GRK1: variants seen among roughly 807,000 people sequenced by gnomAD.
GRK1 encodes rhodopsin kinase GRK1.
A neutral mutation model predicts 41.7 loss-of-function variants in GRK1; 28 were observed. The ratio of observed to expected loss-of-function variants is 0.67; its 90% CI spans 0.50 to 0.92. The LOEUF (loss-of-function observed/expected upper bound fraction) is 0.92. GRK1 is among the 40% of genes least tolerant of loss of function. The pLI, the probability that GRK1 is intolerant of heterozygous loss-of-function variation, is 0.00. For synonymous variants in GRK1, 327 were observed against 286.7 expected, an observed-to-expected ratio of 1.14 and a Z score of -1.42; for missense variants, 703 against 671.2, an observed-to-expected ratio of 1.05 and a Z score of -0.52.
intron 6 of GRK1, among the ~76,000 whole-genome samples, chr13:113,733,708 T>C (rs1207175066): frequency 5.6e-5 from 8 of 144,098 alleles, no homozygotes; most frequent in African/African-American, 1.3e-4. Flanking sequence ...TGTGTGCGTG[T>C]GTGCGCACGT....
At chr13:113,653,490 A>G in the GRK1 span, 31 of 1,521,706 alleles carry the variant, frequency 2.0e-5, no homozygotes, top group South Asian at 2.8e-4. Flanking sequence ...CATTTAAGCC[A>G]TCAGTTCTGA....
At chr13:113,652,961 G>T in the GRK1 span, 1 of 1,614,244 alleles carries the variant, frequency 6.2e-7, no homozygotes, top group South Asian at 1.1e-5. Context: ...CAGCATATCT[G>T]CCGTGAACTT....
the GRK1 span, chr13:113,651,580 G>A: frequency 7.3e-7 from 1 of 1,360,780 alleles, no homozygotes; most frequent in Non-Finnish European, 9.7e-7. Context: ...TTCCTGGAGA[G>A]AACCAGGTGG....
At chr13:113,670,254 A>G (rs1286621610) in intron 2 of GRK1, among the ~76,000 whole-genome samples, 1 of 152,042 alleles carries the variant, frequency 6.6e-6, no homozygotes, top group African/African-American at 2.4e-5. Flanking sequence ...GTCCCCAGGC[A>G]GAGAGGAGGT....
At chr13:113,658,964 G>A in the GRK1 span, among the ~76,000 whole-genome samples, 4 of 152,186 alleles carry the variant, frequency 2.6e-5, no homozygotes, top group African/African-American at 9.6e-5. Flanking sequence ...AGTGCTGGTG[G>A]GAGGGAGTAA....
At chr13:113,653,131 C>A in the GRK1 span, 2 of 1,558,054 alleles carry the variant, frequency 1.3e-6, no homozygotes, top group Non-Finnish European at 1.7e-6. Flanking sequence ...CTGGCTGCCC[C>A]CCGGGAAGGC....
At position 113,723,501 on chromosome 13, in the gene GRK1, T is replaced by G. The variant is rs2049869611; in HGVS notation, c.1069+344T>G. ...CAATCAGCATATGTAAGATGAACAC[T>G]GGTTCGGTCTGGAAAGGCGGGAGGG... On this transcript the variant is annotated intron_variant, in intron 4 of 6. Coordinates refer to ENST00000335678, the MANE Select transcript of GRK1 (RefSeq NM_002929.3). Among the ~76,000 whole-genome samples, 3 of 152,056 alleles carry G rather than the reference T, an allele frequency of 2.0e-5. 1 individual carries two copies. In the South Asian group the frequency reaches 6.2e-4, roughly 32 times the overall value.
chr13:113,671,233 G>A lies in GRK1; in HGVS notation c.828-266G>A, dbSNP rs1594572468. ...GTCTGGGCTGTTTCCTAGCACCTGC[G>A]GCCCGCGCTGGAAAGCAGGCGGACA... On this transcript the variant is annotated intron_variant, in intron 2 of 6. Transcript: ENST00000335678. The surrounding 1 kb of genome is among the most constrained non-coding windows in gnomAD (Gnocchi z 4.1). 1.3e-5 allele frequency among the ~76,000 whole-genome samples: 2 copies of A among 152,150 alleles called. No individual in the cohort carries two copies. Among genetic ancestry groups the A allele is most frequent in the South Asian group, 2.1e-4 (1 of 4,824 alleles).
intron 1 of GRK1, 39 bp from the exon 2 acceptor site, chr13:113,669,648 T>A: frequency 1.2e-6 from 2 of 1,613,150 alleles, no homozygotes; most frequent in South Asian, 2.2e-5. Context: ...GTCCCTTTCC[T>A]ATTCAAAGCC....
chr13:113,668,908 C>G (rs1411871326), intron 1 of GRK1, among the ~76,000 whole-genome samples: 1 of 152,256 alleles, frequency 6.6e-6, no homozygotes, highest in African/African-American at 2.4e-5. Context: ...AGGTGAAATA[C>G]CAGGTGCTCA....
chr13:113,667,737 C>T lies in GRK1; in HGVS notation c.351C>T (p.Pro117=). 1 of 1,613,916 alleles carries T rather than the reference C, an allele frequency of 6.2e-7. No homozygotes were observed. ...CCATCCTGGCCCAGTACCTGGACCC[C>T]CAGGCCAAACTCTTCTGCAGCTTCC... ...AQTILAQYLD[P]QAKLFCSFLD... is the part of the protein sequence containing the mutation. The change falls in exon 1 of 7, where the codon CCC becomes CCT. Residue 117 remains proline, a synonymous_variant. Transcript: ENST00000335678. The surrounding 1 kb of genome is among the most constrained non-coding windows in gnomAD (Gnocchi z 7.5).
the GRK1 span, chr13:113,650,599 G>T: frequency 1.1e-6 from 1 of 909,540 alleles, no homozygotes; most frequent in Non-Finnish European, 1.7e-6. This position sits in a 1 kb window ranked among gnomAD's most constrained non-coding sequence, Gnocchi z 5.0. Flanking sequence ...GCACACACGC[G>T]CTGTGTAGGT....
chr13:113,653,511 G>T, the GRK1 span: 1 of 1,359,624 alleles, frequency 7.4e-7, no homozygotes, highest in Non-Finnish European at 1.0e-6. Context: ...AGTGGCTGAG[G>T]ATACGCCAGA....
intron 4 of GRK1, among the ~76,000 whole-genome samples, chr13:113,724,134 C>A (rs1298421137): frequency 6.6e-6 from 1 of 152,130 alleles, no homozygotes; most frequent in Non-Finnish European, 1.5e-5. Flanking sequence ...AGGAGACCCC[C>A]ACAGTCAAGC....
chr13:113,723,702 C>G (rs1050613059), intron 4 of GRK1, among the ~76,000 whole-genome samples: 1 of 152,118 alleles, frequency 6.6e-6, no homozygotes, highest in South Asian at 2.1e-4. Flanking sequence ...CAGCTTGACT[C>G]TTTCCTTTAG....
rs757414694 is a variant in GRK1 at position 113,667,434 on chromosome 13, C to T, written c.48C>T (p.Ile16=). Residue 16 remains isoleucine, a synonymous_variant, in exon 1 of 7, where the codon ATC becomes ATT. Transcript: ENST00000335678. The surrounding 1 kb of genome is among the most constrained non-coding windows in gnomAD (Gnocchi z 7.5). ...CCGTGGTGGCCAACTCTGCCTTCAT[C>T]GCCGCCCGAGGCAGCTTTGACGGCA... ...LETVVANSAF[I]AARGSFDGSS... 4.4e-6 allele frequency: 7 copies of T among 1,603,610 alleles called. No homozygotes were observed. Among genetic ancestry groups the T allele is most frequent in the East Asian group, 4.5e-5 (2 of 44,514 alleles).
In GRK1 at chr13:113,735,607, A is replaced by C; in HGVS notation, c.*244A>C. On this transcript the variant is annotated 3_prime_UTR_variant, in exon 7 of 7. Transcript: ENST00000335678. ...TATTTCACGTCTTTTGCTCCATCTC[A>C]CTGAGAAGACATAAGATGCTCTCCA... is the stretch of plus-strand genomic sequence containing the variant. The C allele has an allele frequency of 2.3e-6, 1 of 432,618 alleles. No homozygotes were observed. Among genetic ancestry groups the C allele is most frequent in the Non-Finnish European group, 4.1e-6 (1 of 245,532 alleles). The allele number at this position is 432,618 out of a possible 1,614,324, so 26.8% of individuals were successfully genotyped here. A position where few individuals can be genotyped will look rare whatever the true frequency, so the allele number is the denominator to read the frequency against.
rs2049999106 is a variant in GRK1, at chr13:113,735,669, G to T, written c.*306G>T. On this transcript the variant is annotated 3_prime_UTR_variant, in exon 7 of 7. Coordinates refer to ENST00000335678, the MANE Select transcript of GRK1 (RefSeq NM_002929.3). The stretch of plus-strand genomic sequence containing the variant: ...CCAAAAATCTACAAACTCTTAGGGA[G>T]CCTCCTGCATTGGTGATTGACCAAC... 2 of 280,950 alleles carry T rather than the reference G, an allele frequency of 7.1e-6. No individual in the cohort carries two copies. Among genetic ancestry groups the T allele is most frequent in the Non-Finnish European group, 1.3e-5 (2 of 150,716 alleles). The allele number at this position is 280,950 out of a possible 1,614,324, so 17.4% of individuals were successfully genotyped here.
At chr13:113,727,292 CAA>C (rs1213331225) in intron 4 of GRK1, among the ~76,000 whole-genome samples, 2 of 152,240 alleles carry the variant, frequency 1.3e-5, no homozygotes, top group South Asian at 2.1e-4. Flanking sequence ...CCACTGGAGA[CAA>C]GAGGGCGGAG....
Sources: allele counts gnomAD v4.1 joint callset (sites outside exome capture counted in the v4.1 genomes callset), GRCh38; gene constraint gnomAD v4.1.1; non-coding constraint Gnocchi (gnomAD v3.1); transcripts MANE v1.5; gene names NCBI Gene and HGNC (gene_info 2026-07-23, HGNC 2026-07-21).